Variants in NTRK3 observed in about 807,000 individuals in gnomAD.
NTRK3 encodes the protein NT-3 growth factor receptor.
Under a neutral mutation model 91.7 loss-of-function variants are expected in NTRK3, and 24 were observed. The ratio of observed to expected loss-of-function variants is 0.26; its 90% confidence interval spans 0.19 to 0.37. NTRK3 has a LOEUF of 0.37. Ranked by LOEUF, NTRK3 falls within the 10% of genes least tolerant of loss-of-function variation. The pLI, the probability that NTRK3 is intolerant of heterozygous loss-of-function variation, is 1.00. For synonymous variants in NTRK3, 483 were observed against 404.0 expected, an observed-to-expected ratio of 1.20 and a Z score of -2.34; for missense variants, 880 against 1,068.9, an observed-to-expected ratio of 0.82 and a Z score of 2.46.
At chr15:88,062,444 T>G (rs149163923) in intron 13 of NTRK3, among the ~76,000 whole-genome samples, 64 of 152,322 alleles carry the variant, frequency 4.2e-4, no homozygotes, top group African/African-American at 1.5e-3. Flanking sequence ...AACAGAAGTC[T>G]TGGCTAGTAA....
At chr15:88,119,891 C>A (rs951607121) in intron 13 of NTRK3, among the ~76,000 whole-genome samples, 5 of 152,178 alleles carry the variant, frequency 3.3e-5, no homozygotes, top group Non-Finnish European at 7.3e-5. Flanking sequence ...CATCCATGGT[C>A]CCAGCCCCCT....
intron 3 of NTRK3, among the ~76,000 whole-genome samples, chr15:88,205,444 G>A (rs1184456763): frequency 6.6e-6 from 1 of 152,150 alleles, no homozygotes; most frequent in Admixed American, 6.5e-5. Context: ...AGCCCAGCAT[G>A]GCAGCGATGC....
At chr15:87,861,740 C>A (rs182169485) in exon 19 of NTRK3, 119 of 194,882 alleles carry the variant, frequency 6.1e-4, no homozygotes, top group Non-Finnish European at 1.1e-3. Context: ...AGGCAGAGGG[C>A]TAGACGCGCC....
intron 5 of NTRK3, among the ~76,000 whole-genome samples, chr15:88,175,846 C>T (rs1398279286): frequency 6.6e-6 from 1 of 152,148 alleles, no homozygotes; most frequent in African/African-American, 2.4e-5. Context: ...AAGCCAGAAT[C>T]GAATGTCAGG....
At chr15:87,954,395 C>A (rs62019205) in intron 14 of NTRK3, among the ~76,000 whole-genome samples, 2 of 152,124 alleles carry the variant, frequency 1.3e-5, no homozygotes, top group Non-Finnish European at 2.9e-5. Context: ...GCTATACCTC[C>A]TGCCTCCTGC....
At chr15:87,965,068 T>TA (rs1315021231) in intron 14 of NTRK3, among the ~76,000 whole-genome samples, 2 of 152,196 alleles carry the variant, frequency 1.3e-5, no homozygotes, top group Non-Finnish European at 2.9e-5. Flanking sequence ...ATCTTATTTT[T>TA]AAAAAAAGGT....
rs529724730 is a variant in NTRK3 at position 88,255,794 on chromosome 15, G to A, written c.248+112C>T. 29 of 876,108 alleles carry A rather than the reference G, an allele frequency of 3.3e-5. No homozygotes were observed. In the African/African-American group the frequency reaches 4.0e-4, roughly 12 times the overall value. 54.3% of individuals were successfully genotyped at this position (876,108 alleles called of 1,614,324 possible). A position where few individuals can be genotyped will look rare whatever the true frequency, so the allele number is the denominator to read the frequency against. On this transcript the variant is annotated intron_variant, in intron 3 of 18. Coordinates refer to ENST00000394480, the Ensembl canonical transcript of NTRK3. The surrounding 1 kb of genome is among the most constrained non-coding windows in gnomAD (Gnocchi z 4.3). ...CGAGCCTGACGCGCGCCCAGCGGGC[G>A]GCGGGCAGCGGCGAGCTGGGGCGGG...
At chr15:87,990,080 A>G (rs1379833447) in intron 14 of NTRK3, among the ~76,000 whole-genome samples, 1 of 152,126 alleles carries the variant, frequency 6.6e-6, no homozygotes, top group Non-Finnish European at 1.5e-5. Context: ...ATCCTATAAT[A>G]ATGACTTGGA....
intron 3 of NTRK3, among the ~76,000 whole-genome samples, chr15:88,225,079 G>A (rs1293962792): frequency 1.3e-5 from 2 of 152,204 alleles, no homozygotes; most frequent in Non-Finnish European, 2.9e-5. Context: ...GAGGTTGCGG[G>A]AAAGATGATG....
At chr15:87,929,042 G>C (rs2068565550) in intron 17 of NTRK3, 149 bp downstream of exon 17, 1 of 1,155,044 alleles carries the variant, frequency 8.7e-7, no homozygotes, top group Non-Finnish European at 1.3e-6. Flanking sequence ...AGATGCAAGA[G>C]AGGCCAAAAG....
At chr15:87,879,457 A>T (rs1446872176) in intron 18 of NTRK3, among the ~76,000 whole-genome samples, 1 of 152,184 alleles carries the variant, frequency 6.6e-6, no homozygotes, top group Non-Finnish European at 1.5e-5. Context: ...GAGGCAGAGG[A>T]GTCCTAGGAT....
At chr15:87,882,519 A>T in intron 17 of NTRK3, among the ~76,000 whole-genome samples, 1 of 152,178 alleles carries the variant, frequency 6.6e-6, no homozygotes, top group East Asian at 1.9e-4. Flanking sequence ...AAATAGAGAC[A>T]TAAAGTAAAT....
intron 13 of NTRK3, among the ~76,000 whole-genome samples, chr15:88,112,416 G>C (rs986153211): frequency 3.3e-5 from 5 of 152,170 alleles, no homozygotes; most frequent in South Asian, 2.1e-4. Flanking sequence ...GAGCCCCAGA[G>C]GCTGAATTCA....
intron 13 of NTRK3, among the ~76,000 whole-genome samples, chr15:88,076,041 G>A (rs1375994909): frequency 6.6e-6 from 1 of 152,206 alleles, no homozygotes; most frequent in African/African-American, 2.4e-5. Flanking sequence ...GCATCACAGA[G>A]CATGTATTAG....
At chr15:88,066,912 A>G (rs2046697639) in intron 13 of NTRK3, among the ~76,000 whole-genome samples, 1 of 151,664 alleles carries the variant, frequency 6.6e-6, no homozygotes, top group East Asian at 1.9e-4. Context: ...CCTGATCCTT[A>G]CTCCTCTTTC....
intron 3 of NTRK3, among the ~76,000 whole-genome samples, chr15:88,213,453 G>T (rs893409916): frequency 6.6e-6 from 1 of 152,238 alleles, no homozygotes; most frequent in Admixed American, 6.5e-5. Context: ...TGCTGTGAGG[G>T]TGTGCCCACA....
At chr15:88,221,797 G>T (rs1025370526) in intron 3 of NTRK3, among the ~76,000 whole-genome samples, 1 of 152,142 alleles carries the variant, frequency 6.6e-6, no homozygotes, top group Admixed American at 6.5e-5. Context: ...TGGCTCACAA[G>T]GGCCTGACTA....
At chr15:88,024,765 A>G (rs1302543196) in intron 14 of NTRK3, among the ~76,000 whole-genome samples, 1 of 152,164 alleles carries the variant, frequency 6.6e-6, no homozygotes, top group Non-Finnish European at 1.5e-5. Flanking sequence ...AAGTGAAAAG[A>G]ATTAGGATGC....
intron 5 of NTRK3, 109 bp from the exon 6 acceptor site, chr15:88,147,512 CTT>C: frequency 7.0e-6 from 2 of 287,406 alleles, no homozygotes; most frequent in Non-Finnish European, 1.1e-5. Context: ...TTTCCTTCTT[CTT>C]CTTCTTCTTC....
Sources: gnomAD v4.1 joint callset for allele counts (sites outside exome capture counted in the v4.1 genomes callset) on GRCh38, gnomAD v4.1.1 for gene constraint, Gnocchi (gnomAD v3.1) non-coding constraint, MANE v1.5 for transcripts, NCBI Gene and HGNC (gene_info 2026-07-23, HGNC 2026-07-21) for gene names.